Variants in NCAM2 observed in about 807,000 individuals in gnomAD.
NCAM2 encodes neural cell adhesion molecule 2.
A neutral mutation model predicts 98.1 loss-of-function variants in NCAM2; 30 were observed. That is an observed-to-expected ratio of 0.31 (90% CI 0.23 to 0.41). The LOEUF (loss-of-function observed/expected upper bound fraction) is 0.41. NCAM2 is among the 10% of genes least tolerant of loss of function. The pLI is 1.00. For missense variants in NCAM2, 867 were observed against 1,005.8 expected (o/e 0.86, Z 1.87); for synonymous variants, 368 against 342.4 (o/e 1.07, Z -0.83).
intron 15 of NCAM2, among the ~76,000 whole-genome samples, chr21:21,486,177 G>GC (rs1986346315): frequency 6.6e-6 from 1 of 151,678 alleles, no homozygotes; most frequent in Admixed American, 6.6e-5. Flanking sequence ...GGTGGCGGGC[G>GC]CCTGTAGTCC....
chr21:21,211,857 G>A (rs1033074120), intron 1 of NCAM2, among the ~76,000 whole-genome samples: 18 of 152,110 alleles, frequency 1.2e-4, no homozygotes, highest in African/African-American at 4.3e-4. Flanking sequence ...CGCTCCTGAG[G>A]ATAGGAACTT....
chr21:21,077,143 C>A (rs1481838280), intron 1 of NCAM2, among the ~76,000 whole-genome samples: 1 of 152,116 alleles, frequency 6.6e-6, no homozygotes, highest in Non-Finnish European at 1.5e-5. Flanking sequence ...TTTCCTGTTT[C>A]CAAGAAAACT....
intron 6 of NCAM2, among the ~76,000 whole-genome samples, chr21:21,331,512 T>TATATATATATATATATATATATATATA (rs1333445280): frequency 3.9e-4 from 1 of 2,576 alleles, no homozygotes; most frequent in Non-Finnish European, 1.2e-3. Flanking sequence ...CTATACTCTC[T>TATATATATATATATATATATATATATA]CTCTCTATAT....
chr21:21,434,964 C>A (rs1427052823), intron 12 of NCAM2, among the ~76,000 whole-genome samples: 2 of 152,094 alleles, frequency 1.3e-5, no homozygotes, highest in Non-Finnish European at 1.5e-5. Flanking sequence ...TAAGTACCTG[C>A]CCCTTGGGGA....
At chr21:21,285,079 T>C (rs1343265247) in intron 3 of NCAM2, among the ~76,000 whole-genome samples, 1 of 151,870 alleles carries the variant, frequency 6.6e-6, no homozygotes, top group Non-Finnish European at 1.5e-5. Context: ...GTAACCTCTC[T>C]GTCTTTAGTT....
intron 14 of NCAM2, among the ~76,000 whole-genome samples, chr21:21,476,700 A>G (rs1480323945): frequency 6.6e-6 from 1 of 152,030 alleles, no homozygotes; most frequent in Non-Finnish European, 1.5e-5. Context: ...TGAGAATAGG[A>G]TGGCGTTGTT....
intron 1 of NCAM2, among the ~76,000 whole-genome samples, chr21:21,234,099 A>G (rs1352446931): frequency 1.3e-5 from 2 of 151,848 alleles, no homozygotes; most frequent in Admixed American, 6.6e-5. Context: ...TTTTACTAGT[A>G]TTAGTGTAAG....
chr21:20,998,767 C>A (rs2092121555), intron 1 of NCAM2, 149 bp downstream of exon 1: 3 of 785,004 alleles, frequency 3.8e-6, no homozygotes, highest in Non-Finnish European at 4.2e-6. Flanking sequence ...GTTCTTTCTC[C>A]TAGCTGTCCC....
At chr21:21,409,400 A>G (rs571890397) in intron 9 of NCAM2, among the ~76,000 whole-genome samples, 44 of 152,168 alleles carry the variant, frequency 2.9e-4, no homozygotes, top group Non-Finnish European at 5.6e-4. Flanking sequence ...ATTATTGTTG[A>G]TTAATTTATG....
intron 1 of NCAM2, among the ~76,000 whole-genome samples, chr21:21,172,504 A>G (rs1012162868): frequency 3.3e-5 from 5 of 152,142 alleles, no homozygotes; most frequent in African/African-American, 1.2e-4. Context: ...CTTAGCATAT[A>G]CTTTACATGT....
Position 21,148,657 on chromosome 21 carries a change from A to G in NCAM2, c.56-131921A>G, listed in dbSNP as rs145248915. Among the ~76,000 whole-genome samples the G allele has an allele frequency of 2.9e-3, 441 of 152,282 alleles. 3 individuals carry two copies. The highest frequency in any genetic ancestry group is 0.01 in the African/African-American group (419 of 41,564). On this transcript the variant is annotated intron_variant, in intron 1 of 17. Transcript: ENST00000400546. ...TTTTTTTGAGAGACGCTTTTTTAGG[A>G]ACTGCAGTAAGAAGTATTCATAAGT...
Position 21,303,493 on chromosome 21 carries a change from A to G in NCAM2, c.619+11252A>G, listed in dbSNP as rs541464728. 8.5e-5 allele frequency among the ~76,000 whole-genome samples: 13 copies of G among 152,154 alleles called. No individual in the cohort carries two copies. In the East Asian group the frequency reaches 2.5e-3, roughly 29 times the overall value. On this transcript the variant is annotated intron_variant, in intron 5 of 17. Coordinates refer to ENST00000400546, the MANE Select transcript of NCAM2 (RefSeq NM_004540.5). The stretch of plus-strand genomic sequence containing the variant: ...TTGCTATTAGTATTCAATTTTAAGA[A>G]GATTTCACAATTTTCTTACCCATTC...
At chr21:21,447,480 G>A (rs1485133089) in intron 12 of NCAM2, among the ~76,000 whole-genome samples, 12 of 152,120 alleles carry the variant, frequency 7.9e-5, no homozygotes, top group South Asian at 6.2e-4. Flanking sequence ...AGTTCAAGAC[G>A]TAGGCATGGG....
chr21:21,026,542 T>C (rs553254505), intron 1 of NCAM2, among the ~76,000 whole-genome samples: 1 of 152,002 alleles, frequency 6.6e-6, no homozygotes, highest in South Asian at 2.1e-4. Context: ...GGAGAATCGC[T>C]TGAACTCAGG....
intron 14 of NCAM2, among the ~76,000 whole-genome samples, chr21:21,472,330 A>G (rs1161340568): frequency 6.6e-6 from 1 of 152,076 alleles, no homozygotes; most frequent in Non-Finnish European, 1.5e-5. Context: ...ATAGGATAAG[A>G]AAGGTAAGTT....
At chr21:21,043,986 A>G (rs908307867) in intron 1 of NCAM2, among the ~76,000 whole-genome samples, 3 of 152,100 alleles carry the variant, frequency 2.0e-5, no homozygotes, top group African/African-American at 7.2e-5. Context: ...ATATTTGAAA[A>G]TTGGTTTTTT....
chr21:21,036,295 G>C (rs577097506), intron 1 of NCAM2, among the ~76,000 whole-genome samples: 190 of 152,228 alleles, frequency 1.2e-3, no homozygotes, highest in Non-Finnish European at 1.6e-3. Context: ...CTCAGTTTCT[G>C]AATAACTCAA....
chr21:21,162,762 A>G (rs1418814088), intron 1 of NCAM2, among the ~76,000 whole-genome samples: 1 of 152,154 alleles, frequency 6.6e-6, no homozygotes, highest in Non-Finnish European at 1.5e-5. Flanking sequence ...ACCTGTAAAA[A>G]AAACCTGTCA....
chr21:21,304,183 A>G (rs1026929909), intron 5 of NCAM2, among the ~76,000 whole-genome samples: 5 of 152,112 alleles, frequency 3.3e-5, no homozygotes, highest in Non-Finnish European at 5.9e-5. Flanking sequence ...TGTGTAAAAC[A>G]AATATGTTAA....
Sources: allele counts gnomAD v4.1 joint callset (sites outside exome capture counted in the v4.1 genomes callset), GRCh38; gene constraint gnomAD v4.1.1; transcripts MANE v1.5; gene names NCBI Gene and HGNC (gene_info 2026-07-23, HGNC 2026-07-21).